Variants in GOLGA3 observed in about 807,000 individuals in gnomAD.
GOLGA3 encodes the protein golgin subfamily A member 3.
Under a neutral mutation model 169.4 loss-of-function variants are expected in GOLGA3, and 75 were observed. That is an observed-to-expected ratio of 0.44 (90% confidence interval 0.37 to 0.54). The LOEUF is 0.54. Ranked by LOEUF, GOLGA3 falls within the 20% of genes least tolerant of loss-of-function variation. The pLI is 0.00. For synonymous variants in GOLGA3, 824 were observed against 822.4 expected (o/e 1.00, Z -0.03); for missense variants, 1,899 against 1,930.0 (o/e 0.98, Z 0.30).
At chr12:132,822,452 A>C (rs1003714425) in intron 1 of GOLGA3, 141 bp from the exon 2 acceptor site, 1 of 535,332 alleles carries the variant, frequency 1.9e-6, no homozygotes, top group Non-Finnish European at 3.1e-6. Flanking sequence ...ATCCTGGAGC[A>C]CCCACAACAT....
At chr12:132,778,608 TAATAA>T (rs1195232016) in intron 18 of GOLGA3, among the ~76,000 whole-genome samples, 2 of 150,932 alleles carry the variant, frequency 1.3e-5, no homozygotes, top group African/African-American at 2.4e-5. Context: ...TAAATAAAAA[TAATAA>T]AATAAAATAA....
chr12:132,772,928 G>C lies in GOLGA3; in HGVS notation c.*177C>G, dbSNP rs1319814015. On this transcript the variant is annotated 3_prime_UTR_variant, in exon 24 of 24. Transcript: ENST00000450791. ...TCATTCCATGTGAAAAGCTAATTGTGATCTTCGAATGTTTTTCTAGTCCTT... is the reference window on the plus strand; with the variant it reads ...TCATTCCATGTGAAAAGCTAATTGTCATCTTCGAATGTTTTTCTAGTCCTT... 9 of 536,446 alleles carry C rather than the reference G, an allele frequency of 1.7e-5. No homozygotes were observed. The East Asian group carries it at 3.0e-4, about 18-fold the overall frequency. 33.2% of individuals were successfully genotyped at this position (536,446 alleles called of 1,614,324 possible). A position where few individuals can be genotyped will look rare whatever the true frequency, so the allele number is the denominator to read the frequency against.
chr12:132,807,918 C>A lies in GOLGA3; in HGVS notation c.1151G>T (p.Arg384Leu). 1 of 1,611,626 alleles carries A rather than the reference C, an allele frequency of 6.2e-7. No homozygotes were observed. The highest frequency in any genetic ancestry group is 8.5e-7 in the Non-Finnish European group (1 of 1,179,412). Residue 384 changes from arginine (R) to leucine (L), a missense_variant, in exon 5 of 24, where the codon CGG becomes CTG. Physicochemically the swap from Arg to Leu is moderately radical, Grantham distance 102. Transcript: ENST00000450791. ...GCTGCAGATGCTGTCTCTCCGACTC[C>A]GCACCTCCCCGTTGACCTCCTGCCC... Reference protein sequence around the residue: ...DQGQEVNGEVRSRRDSICSSV... With the variant: ...DQGQEVNGEVLSRRDSICSSV...
chr12:132,806,837 G>C (rs1593337425), intron 6 of GOLGA3, among the ~76,000 whole-genome samples: 1 of 152,130 alleles, frequency 6.6e-6, no homozygotes, highest in African/African-American at 2.4e-5. Flanking sequence ...ATCAGAAAAA[G>C]CAGAAATCAC....
At chr12:132,786,093 T>G (rs1032500405) in intron 15 of GOLGA3, among the ~76,000 whole-genome samples, 2 of 152,158 alleles carry the variant, frequency 1.3e-5, no homozygotes, top group Admixed American at 1.3e-4. Context: ...GCCAAGGAGA[T>G]TTCTTGAGGA....
chr12:132,780,926 T>C lies in GOLGA3; in HGVS notation c.3466-12A>G. On this transcript the variant is annotated splice_polypyrimidine_tract_variant and intron_variant, in intron 17 of 23. Coordinates refer to ENST00000450791, the MANE Select transcript of GOLGA3 (RefSeq NM_001389683.1). Reference sequence around the variant, plus strand: ...AAAACTGCCTGCACCTAGATCAGATTGCAGGAGGACAGATAAGGAAGGACG... The same window carrying C: ...AAAACTGCCTGCACCTAGATCAGATCGCAGGAGGACAGATAAGGAAGGACG... 6.3e-7 allele frequency: 1 copy of C among 1,593,624 alleles called. No individual in the cohort carries two copies.
chr12:132,796,035 G>A lies in GOLGA3; in HGVS notation c.2286C>T (p.Ala762=), dbSNP rs1948813298. 1 of 1,612,706 alleles carries A rather than the reference G, an allele frequency of 6.2e-7. No individual in the cohort carries two copies. Among genetic ancestry groups the A allele is most frequent in the Non-Finnish European group, 8.5e-7 (1 of 1,179,994 alleles). The stretch of plus-strand genomic sequence containing the variant: ...GGAGGCAGATCGTGTCCTCCCTGGA[G>A]GCGGCCTCGCCCTGCAGCTCCCCCA... ...ARLGELQGEA[A]SREDTICLLQ... is the part of the protein sequence containing the mutation. Residue 762 remains alanine, a synonymous_variant, in exon 11 of 24, where the codon GCC becomes GCT. Transcript: ENST00000450791.
Position 132,773,159 on chromosome 12 carries a change from G to A in GOLGA3, c.4443C>T (p.Gly1481=), listed in dbSNP as rs370075864. The change falls in exon 24 of 24, where the codon GGC becomes GGT. Residue 1481 remains glycine, a synonymous_variant. Coordinates refer to ENST00000450791, the MANE Select transcript of GOLGA3 (RefSeq NM_001389683.1). ...VPPGGHAGPR[G]DPQRHSQSRA... is the part of the protein sequence containing the mutation. ...TGCTCTGACTGTGTCTCTGTGGGTCGCCGCGTGGGCCGGCGTGACCCCCCG... is the reference window on the plus strand; with the variant it reads ...TGCTCTGACTGTGTCTCTGTGGGTCACCGCGTGGGCCGGCGTGACCCCCCG... The A allele has an allele frequency of 2.5e-5, 40 of 1,581,230 alleles. No individual in the cohort carries two copies. The highest frequency in any genetic ancestry group is 8.1e-5 in the African/African-American group (6 of 73,950).
chr12:132,818,095 A>C (rs1273038818), intron 2 of GOLGA3, among the ~76,000 whole-genome samples: 1 of 140,944 alleles, frequency 7.1e-6, no homozygotes, highest in African/African-American at 2.7e-5. Flanking sequence ...CCACGCTCTA[A>C]GGTGAACCCC....
At position 132,777,151 on chromosome 12, in the gene GOLGA3, C is replaced by T. The variant is rs566041174; in HGVS notation, c.3723-61G>A. Reference sequence around the variant, plus strand: ...CGCTCCTCCAGTGTGCTGTGCCCTCCCGCTGGGAAATGCTGCCTGTGGAAG... The same window carrying T: ...CGCTCCTCCAGTGTGCTGTGCCCTCTCGCTGGGAAATGCTGCCTGTGGAAG... On this transcript the variant is annotated intron_variant, in intron 19 of 23. Coordinates refer to ENST00000450791, the MANE Select transcript of GOLGA3 (RefSeq NM_001389683.1). The surrounding 1 kb of genome is among the most constrained non-coding windows in gnomAD (Gnocchi z 4.7). 142 of 1,518,390 alleles carry T rather than the reference C, an allele frequency of 9.4e-5. No individual in the cohort carries two copies. Among genetic ancestry groups the T allele is most frequent in the Admixed American group, 2.6e-4 (12 of 46,338 alleles). 94.1% of individuals were successfully genotyped at this position (1,518,390 alleles called of 1,614,324 possible). A position where few individuals can be genotyped will look rare whatever the true frequency, so the allele number is the denominator to read the frequency against.
intron 1 of GOLGA3, among the ~76,000 whole-genome samples, chr12:132,823,228 T>C (rs1950287225): frequency 6.6e-6 from 1 of 152,256 alleles, no homozygotes; most frequent in African/African-American, 2.4e-5. Context: ...CCGGGCTACA[T>C]TCAGGGGAGC....
At position 132,816,507 on chromosome 12, in the gene GOLGA3, G is replaced by A. The variant is rs748431853; in HGVS notation, c.406+33C>T. 3.1e-6 allele frequency: 5 copies of A among 1,603,380 alleles called. No individual in the cohort carries two copies. The African/African-American group carries it at 5.4e-5, about 17-fold the overall frequency. ...CAAGGGGCTGAGCGACGCGGACGTG[G>A]AGGGTGGGAAAAGCGGGGTAACGGA... On this transcript the variant is annotated intron_variant, in intron 3 of 23. Transcript: ENST00000450791.
chr12:132,794,188 GTGGA>G (rs1234026399), intron 11 of GOLGA3, among the ~76,000 whole-genome samples: 2 of 152,150 alleles, frequency 1.3e-5, no homozygotes, highest in South Asian at 4.1e-4. Context: ...CAGCCCCCAC[GTGGA>G]TACTGCTGTG....
At chr12:132,789,334 G>A (rs11147076) in intron 12 of GOLGA3, 44 bp from the exon 13 acceptor site, 418,547 of 1,504,384 alleles carry the variant, frequency 0.28, 62,298 homozygotes, top group East Asian at 0.54. Flanking sequence ...GCGGCGGGGC[G>A]TGGGGGGCGT....
In GOLGA3 at chr12:132,804,609, G is replaced by T; in HGVS notation, c.1597+107C>A. On this transcript the variant is annotated intron_variant, in intron 7 of 23. Transcript: ENST00000450791. This position sits in a 1 kb window ranked among gnomAD's most constrained non-coding sequence, Gnocchi z 4.1. Reference sequence around the variant, plus strand: ...TCGAGGAAGGAGGAGGGAGCAGCAAGGACCAGTCAGGGAAGGAGGAGGGCG... The same window carrying T: ...TCGAGGAAGGAGGAGGGAGCAGCAATGACCAGTCAGGGAAGGAGGAGGGCG... The T allele has an allele frequency of 1.1e-6, 1 of 904,600 alleles. No homozygotes were observed. Among genetic ancestry groups the T allele is most frequent in the African/African-American group, 1.6e-5 (1 of 61,220 alleles). 56.0% of individuals were successfully genotyped at this position (904,600 alleles called of 1,614,324 possible).
intron 1 of GOLGA3, among the ~76,000 whole-genome samples, chr12:132,827,100 T>A (rs1049952727): frequency 6.6e-6 from 1 of 152,208 alleles, no homozygotes; most frequent in Non-Finnish European, 1.5e-5. Flanking sequence ...CAGGACTTTC[T>A]GCTTCCCCCA....
intron 4 of GOLGA3, among the ~76,000 whole-genome samples, chr12:132,812,556 G>A (rs572615358): frequency 6.6e-6 from 1 of 152,266 alleles, no homozygotes; most frequent in Non-Finnish European, 1.5e-5. Flanking sequence ...TAACAGGAGT[G>A]TGGAAGAAGC....
At chr12:132,779,476 A>C (rs148601801) in intron 18 of GOLGA3, among the ~76,000 whole-genome samples, 1 of 152,218 alleles carries the variant, frequency 6.6e-6, no homozygotes, top group African/African-American at 2.4e-5. Context: ...TCTCAATTAC[A>C]TTATCATAGA....
chr12:132,826,448 G>A (rs1335974290), intron 1 of GOLGA3, among the ~76,000 whole-genome samples: 1 of 151,958 alleles, frequency 6.6e-6, no homozygotes, highest in African/African-American at 2.4e-5. Flanking sequence ...TGACCAAGAA[G>A]GAACACAGCC....
Sources: allele counts gnomAD v4.1 joint callset (sites outside exome capture counted in the v4.1 genomes callset), GRCh38; gene constraint gnomAD v4.1.1; non-coding constraint Gnocchi (gnomAD v3.1); transcripts MANE v1.5; gene names NCBI Gene and HGNC (gene_info 2026-07-23, HGNC 2026-07-21).